The following TNR variants were observed in gnomAD, a reference collection of about 807,000 sequenced individuals.
The protein encoded by TNR is tenascin R.
Under a neutral mutation model 150.4 loss-of-function variants are expected in TNR, and 45 were observed. That is an observed-to-expected ratio of 0.30 (90% CI 0.24 to 0.38). TNR has a LOEUF of 0.38. Ranked by LOEUF, TNR falls within the 10% of genes least tolerant of loss-of-function variation. The pLI is 1.00. For missense variants in TNR, 1,544 were observed against 1,759.1 expected, an observed-to-expected ratio of 0.88 and a Z score of 2.19; for synonymous variants, 687 against 678.4, an observed-to-expected ratio of 1.01 and a Z score of -0.20.
At chr1:175,710,677 A>C (rs1571777402) in intron 1 of TNR, among the ~76,000 whole-genome samples, 1 of 150,492 alleles carries the variant, frequency 6.6e-6, no homozygotes, top group African/African-American at 2.5e-5. Context: ...TCCCACTTCC[A>C]CTCTCCAAGC....
rs546435742 is a variant in TNR at position 175,362,735 on chromosome 1, C to T, written c.2782G>A (p.Glu928Lys). 9.4e-5 allele frequency: 152 copies of T among 1,614,132 alleles called. 2 individuals carry two copies. Among genetic ancestry groups the T allele is most frequent in the South Asian group, 8.2e-4 (75 of 91,078 alleles). ...FTITRLNPAT[E>K]YEISLNSVRG... ...ACGCTGTTGAGGCTGATTTCGTATTCGGTAGCTGGGTTCAGTCTGGTGATG... is the reference window on the plus strand; with the variant it reads ...ACGCTGTTGAGGCTGATTTCGTATTTGGTAGCTGGGTTCAGTCTGGTGATG... The change falls in exon 14 of 23, where the codon GAA becomes AAA. Residue 928 changes from glutamate (E) to lysine (K), a missense_variant. Transcript: ENST00000367674.
intron 1 of TNR, among the ~76,000 whole-genome samples, chr1:175,606,038 T>C (rs1386787692): frequency 6.6e-6 from 1 of 152,250 alleles, no homozygotes; most frequent in Non-Finnish European, 1.5e-5. Flanking sequence ...CACTCTTTCC[T>C]TCATCCACTC....
At chr1:175,572,667 T>A (rs1259225638) in intron 1 of TNR, among the ~76,000 whole-genome samples, 1 of 151,990 alleles carries the variant, frequency 6.6e-6, no homozygotes, top group East Asian at 1.9e-4. Context: ...ACATATACCA[T>A]AATATAATTA....
intron 1 of TNR, among the ~76,000 whole-genome samples, chr1:175,593,359 G>A (rs1363060657): frequency 6.6e-6 from 1 of 152,114 alleles, no homozygotes; most frequent in East Asian, 1.9e-4. Flanking sequence ...GCCAGTTAAT[G>A]GAGAAATAGA....
At chr1:175,700,105 G>A (rs1320334988) in intron 1 of TNR, among the ~76,000 whole-genome samples, 2 of 151,314 alleles carry the variant, frequency 1.3e-5, no homozygotes, top group African/African-American at 4.9e-5. Context: ...GGAGCACGTT[G>A]GATGGAAGCA....
Position 175,466,231 on chromosome 1 carries a change from G to A in TNR, c.-63-59454C>T, listed in dbSNP as rs149962587. Among the ~76,000 whole-genome samples, 254 of 152,252 alleles carry A rather than the reference G, an allele frequency of 1.7e-3. 1 individual carries two copies. Among genetic ancestry groups the A allele is most frequent in the African/African-American group, 6.0e-3 (251 of 41,546 alleles). On this transcript the variant is annotated intron_variant, in intron 2 of 22. Coordinates refer to ENST00000367674, the MANE Select transcript of TNR (RefSeq NM_003285.3). ...ATGGAGGTGAAGTGCCTGGCTTAAGGTCACATAGCTAGGAATCAAATGCCA... is the reference window on the plus strand; with the variant it reads ...ATGGAGGTGAAGTGCCTGGCTTAAGATCACATAGCTAGGAATCAAATGCCA...
At chr1:175,341,496 CT>C (rs1650522419) in intron 18 of TNR, among the ~76,000 whole-genome samples, 1 of 152,148 alleles carries the variant, frequency 6.6e-6, no homozygotes, top group Non-Finnish European at 1.5e-5. Flanking sequence ...AAGAATTGCT[CT>C]GAAATTGGTT....
chr1:175,375,794 G>A (rs920631336), intron 9 of TNR, among the ~76,000 whole-genome samples: 4 of 152,174 alleles, frequency 2.6e-5, no homozygotes, highest in African/African-American at 7.2e-5. Context: ...TGAGCTTTGT[G>A]AGGATTAATA....
Position 175,324,326 on chromosome 1 carries a change from C to T in TNR, c.3957+30G>A, listed in dbSNP as rs760590379. The T allele has an allele frequency of 5.0e-6, 8 of 1,606,294 alleles. No homozygotes were observed. In the South Asian group the frequency reaches 6.7e-5, roughly 13 times the overall value. On this transcript the variant is annotated intron_variant, in intron 22 of 22. Coordinates refer to ENST00000367674, the MANE Select transcript of TNR (RefSeq NM_003285.3). ...GAGCACGGATTCCACAGCTCTGGCT[C>T]ATTCATAGCAGAGGTGGAGCATCGC...
At chr1:175,348,137 TAAGTTA>T (rs937686714) in intron 18 of TNR, among the ~76,000 whole-genome samples, 13 of 152,192 alleles carry the variant, frequency 8.5e-5, no homozygotes, top group African/African-American at 3.1e-4. Context: ...TATATATTTT[TAAGTTA>T]GACAAAAATT....
chr1:175,538,565 T>G, intron 1 of TNR, among the ~76,000 whole-genome samples: 1 of 152,180 alleles, frequency 6.6e-6, no homozygotes, highest in East Asian at 1.9e-4. Context: ...CCAAGGTTGT[T>G]GTGTAGCCTT....
At chr1:175,520,460 C>T (rs933401281) in intron 2 of TNR, among the ~76,000 whole-genome samples, 2 of 152,172 alleles carry the variant, frequency 1.3e-5, no homozygotes, top group Admixed American at 6.5e-5. Context: ...TGGACTTAGC[C>T]ACATACTCGT....
chr1:175,384,699 C>T (rs922280304), intron 8 of TNR, among the ~76,000 whole-genome samples: 18 of 152,138 alleles, frequency 1.2e-4, no homozygotes, highest in Admixed American at 6.5e-4. Context: ...CAGGCTGTTC[C>T]GAGGGTTCAG....
Position 175,701,878 on chromosome 1 carries a change from A to G in TNR, c.-165+41348T>C, listed in dbSNP as rs1666707735. ...CCAGGTAATTTGCATGCACATTAAA[A>G]TATAAGAAGAACCAATTAGAGAACT... On this transcript the variant is annotated intron_variant, in intron 1 of 22. Coordinates refer to ENST00000367674, the MANE Select transcript of TNR (RefSeq NM_003285.3). Among the ~76,000 whole-genome samples the G allele has an allele frequency of 2.6e-5, 4 of 152,338 alleles. No individual in the cohort carries two copies. In the South Asian group the frequency reaches 8.3e-4, roughly 32 times the overall value.
At chr1:175,709,803 A>G (rs74129320) in intron 1 of TNR, among the ~76,000 whole-genome samples, 5,605 of 151,804 alleles carry the variant, frequency 0.037, 340 homozygotes, top group African/African-American at 0.13. Context: ...TGCTTCATTC[A>G]ACAACATCCC....
At chr1:175,342,276 G>C (rs1048067534) in intron 18 of TNR, among the ~76,000 whole-genome samples, 2 of 152,144 alleles carry the variant, frequency 1.3e-5, no homozygotes, top group African/African-American at 4.8e-5. Flanking sequence ...GGTGAGAAGT[G>C]GGGGCCCGGG....
At chr1:175,366,228 C>T (rs1159482254) in intron 10 of TNR, 90 bp from the exon 11 acceptor site, 11 of 1,379,110 alleles carry the variant, frequency 8.0e-6, no homozygotes, top group Non-Finnish European at 1.1e-5. Context: ...AAGCTATCAG[C>T]AGGCCTGCTG....
At chr1:175,564,409 G>A (rs12565695) in intron 1 of TNR, among the ~76,000 whole-genome samples, 14,348 of 152,226 alleles carry the variant, frequency 0.094, 724 homozygotes, top group East Asian at 0.13. Context: ...GAAATCCCTC[G>A]TCAAGAGCCT....
chr1:175,659,162 T>A (rs1378665579), intron 1 of TNR, among the ~76,000 whole-genome samples: 1 of 152,150 alleles, frequency 6.6e-6, no homozygotes, highest in Non-Finnish European at 1.5e-5. Context: ...CTAGTTAGAA[T>A]CTCATGTCAA....
Sources: allele counts gnomAD v4.1 joint callset (sites outside exome capture counted in the v4.1 genomes callset), GRCh38; gene constraint gnomAD v4.1.1; transcripts MANE v1.5; gene names NCBI Gene and HGNC (gene_info 2026-07-23, HGNC 2026-07-21).